Variants in GAN observed in about 807,000 individuals in gnomAD.
GAN encodes the protein gigaxonin, also known as epididymis secretory sperm binding protein.
GAN carries 48 observed loss-of-function variants against 71.3 expected under a neutral mutation model. That is an observed-to-expected ratio of 0.67 (90% CI 0.53 to 0.86). The LOEUF (loss-of-function observed/expected upper bound fraction) is 0.86, where lower values mean the gene tolerates loss of function less well. Among genes scored for constraint, GAN ranks in the 40% least tolerant of loss-of-function variants. The probability of loss-of-function intolerance (pLI) is 0.00; values close to 1 mark genes in which losing one functional copy is unlikely to be tolerated. For synonymous variants in GAN, 386 were observed against 276.8 expected (o/e 1.39, Z -3.92); for missense variants, 928 against 770.1 (o/e 1.21, Z -2.43).
At chr16:81,367,610 A>C (rs1910902991) in intron 9 of GAN, among the ~76,000 whole-genome samples, 1 of 152,248 alleles carries the variant, frequency 6.6e-6, no homozygotes, top group Non-Finnish European at 1.5e-5. Context: ...TGTAAATAGA[A>C]TGAAGAAAGC....
intron 9 of GAN, among the ~76,000 whole-genome samples, chr16:81,370,581 T>C (rs1457833625): frequency 1.3e-5 from 2 of 152,236 alleles, no homozygotes; most frequent in East Asian, 3.8e-4. Context: ...AGGGCTGAGA[T>C]TCATCCCATT....
intron 2 of GAN, among the ~76,000 whole-genome samples, chr16:81,352,626 A>T (rs1910337155): frequency 6.6e-6 from 1 of 151,996 alleles, no homozygotes; most frequent in African/African-American, 2.4e-5. Context: ...TTCTGAATGT[A>T]TTGCTTTCTT....
chr16:81,347,343 A>G (rs986932367), intron 1 of GAN, among the ~76,000 whole-genome samples: 4 of 152,306 alleles, frequency 2.6e-5, no homozygotes, highest in Admixed American at 2.6e-4. Flanking sequence ...TGTCATACAC[A>G]TTATATATTT....
At chr16:81,332,005 T>C (rs979298608) in intron 1 of GAN, among the ~76,000 whole-genome samples, 3 of 151,486 alleles carry the variant, frequency 2.0e-5, no homozygotes, top group Admixed American at 1.3e-4. Context: ...CTACTAAAAA[T>C]ACAAAATTAG....
intron 9 of GAN, among the ~76,000 whole-genome samples, chr16:81,374,874 A>G (rs1904276292): frequency 6.6e-6 from 1 of 152,242 alleles, no homozygotes. Context: ...AGTGGGGGAA[A>G]GAAAAGCCTT....
At chr16:81,368,433 T>C (rs1284255729) in intron 9 of GAN, among the ~76,000 whole-genome samples, 1 of 152,220 alleles carries the variant, frequency 6.6e-6, no homozygotes, top group East Asian at 1.9e-4. Flanking sequence ...ACCTTGTCTC[T>C]ATGAATTTTG....
Position 81,365,482 on chromosome 16 carries a change from A to G in GAN, c.1502+4A>G, listed in dbSNP as rs748724208. The G allele has an allele frequency of 1.2e-6, 2 of 1,613,372 alleles. No homozygotes were observed. The highest frequency in any genetic ancestry group is 1.7e-6 in the Non-Finnish European group (2 of 1,179,692). On this transcript the variant is annotated splice_donor_region_variant and intron_variant, in intron 9 of 10. Coordinates refer to ENST00000648994, the MANE Select transcript of GAN (RefSeq NM_022041.4). ...TCTACCATGATGAGTTTAAAAGGTA[A>G]CTAAGAATGGTTTCACATAGCTACT...
At chr16:81,322,657 T>C (rs1909257269) in intron 1 of GAN, among the ~76,000 whole-genome samples, 1 of 152,248 alleles carries the variant, frequency 6.6e-6, no homozygotes, top group South Asian at 2.1e-4. Flanking sequence ...CATTTGATGC[T>C]TGTGATTTTT....
intron 1 of GAN, among the ~76,000 whole-genome samples, chr16:81,319,618 T>C (rs1303194882): frequency 1.3e-5 from 2 of 152,178 alleles, no homozygotes; most frequent in East Asian, 3.8e-4. Flanking sequence ...TTTGTTTAGC[T>C]CTCAGTCCTG....
intron 9 of GAN, among the ~76,000 whole-genome samples, chr16:81,367,118 T>TAG (rs1449688098): frequency 6.6e-6 from 1 of 152,142 alleles, no homozygotes; most frequent in African/African-American, 2.4e-5. Flanking sequence ...CCACCGCACC[T>TAG]GGCCTATCAG....
intron 3 of GAN, 136 bp downstream of exon 3, chr16:81,354,891 C>A: frequency 1.6e-6 from 1 of 639,356 alleles, no homozygotes; most frequent in Non-Finnish European, 2.7e-6. Flanking sequence ...AAACATGTTC[C>A]CCTATATCAT....
chr16:81,377,583 T>C lies in GAN; in HGVS notation c.1781T>C (p.Val594Ala), dbSNP rs1189573218. 5 of 1,614,006 alleles carry C rather than the reference T, an allele frequency of 3.1e-6. No individual in the cohort carries two copies. Among genetic ancestry groups the C allele is most frequent in the Admixed American group, 1.7e-5 (1 of 60,010 alleles). Reference protein sequence around the residue: ...QLQQGLFRIRVHSP With the variant: ...QLQQGLFRIRAHSP Reference sequence around the variant, plus strand: ...CAGCAAGGCTTATTCCGTATTCGTGTTCATTCCCCTTGAGGAGGAAGCAGA... The same window carrying C: ...CAGCAAGGCTTATTCCGTATTCGTGCTCATTCCCCTTGAGGAGGAAGCAGA... The change falls in exon 11 of 11, where the codon GTT becomes GCT. Residue 594 changes from valine to alanine, a missense_variant. Val to Ala is a moderately conservative substitution (Grantham distance 64). Coordinates refer to ENST00000648994, the MANE Select transcript of GAN (RefSeq NM_022041.4).
intron 1 of GAN, among the ~76,000 whole-genome samples, chr16:81,348,708 A>T (rs961716954): frequency 3.9e-5 from 6 of 152,244 alleles, no homozygotes; most frequent in Non-Finnish European, 7.3e-5. Context: ...CAAAATGTGC[A>T]GGAAGCTCAG....
intron 1 of GAN, among the ~76,000 whole-genome samples, chr16:81,329,146 C>G (rs919982481): frequency 1.3e-5 from 2 of 151,812 alleles, no homozygotes; most frequent in African/African-American, 4.8e-5. Context: ...TCCTGTTCCC[C>G]CACCCTTTTT....
rs1465653533 is a variant in GAN, at chr16:81,377,374, C to T, written c.1613-41C>T. The T allele has an allele frequency of 3.8e-6, 6 of 1,597,820 alleles. No individual in the cohort carries two copies. In the African/African-American group the frequency reaches 6.7e-5, roughly 18 times the overall value. On this transcript the variant is annotated intron_variant, in intron 10 of 10. Transcript: ENST00000648994. ...TTCTTGGAACTGTTTCCTGGTGATT[C>T]TGGGTACATTTTCTCACCCTTGCTT...
At chr16:81,319,482 T>G (rs1387830986) in intron 1 of GAN, among the ~76,000 whole-genome samples, 1 of 152,162 alleles carries the variant, frequency 6.6e-6, no homozygotes, top group East Asian at 1.9e-4. Flanking sequence ...GTAATGTATG[T>G]GAAAAGGATT....
intron 9 of GAN, among the ~76,000 whole-genome samples, chr16:81,376,983 G>T (rs1904283611): frequency 6.6e-6 from 1 of 152,202 alleles, no homozygotes; most frequent in South Asian, 2.1e-4. Context: ...AGCAGAAGCA[G>T]GTTGGAAAGC....
Position 81,389,223 on chromosome 16 carries a change from T to G in GAN, c.*11627T>G, listed in dbSNP as rs575636561. The G allele has an allele frequency of 5.1e-4, 78 of 152,332 alleles. No individual in the cohort carries two copies. Among genetic ancestry groups the G allele is most frequent in the African/African-American group, 1.6e-3 (67 of 41,558 alleles). 9.4% of individuals were successfully genotyped at this position (152,332 alleles called of 1,614,324 possible). A position where few individuals can be genotyped will look rare whatever the true frequency, so the allele number is the denominator to read the frequency against. On this transcript the variant is annotated 3_prime_UTR_variant, in exon 11 of 11. Coordinates refer to ENST00000648994, the MANE Select transcript of GAN (RefSeq NM_022041.4). The stretch of plus-strand genomic sequence containing the variant: ...AGCACAACTTGCTTCATTAAATAAT[T>G]CGTGGCTTTTTCTGCCACTGGGGTT...
chr16:81,377,298 A>G lies in GAN; in HGVS notation c.1582A>G (p.Ser528Gly). 5.0e-6 allele frequency: 8 copies of G among 1,606,882 alleles called. No homozygotes were observed. The highest frequency in any genetic ancestry group is 5.1e-6 in the Non-Finnish European group (6 of 1,173,432). ...TTATGGAGCTGTACCTATAGGAGCCAGTATTTATGTTATTGGAGATCTTGA... is the reference window on the plus strand; with the variant it reads ...TTATGGAGCTGTACCTATAGGAGCCGGTATTTATGTTATTGGAGATCTTGA... ...FVYGAVPIGA[S>G]IYVIGDLDTG... The change falls in exon 10 of 11, where the codon AGT (serine) becomes GGT (glycine). Residue 528 changes from serine (S) to glycine (G), a missense_variant. Coordinates refer to ENST00000648994, the MANE Select transcript of GAN (RefSeq NM_022041.4).
Sources: allele counts gnomAD v4.1 joint callset (sites outside exome capture counted in the v4.1 genomes callset), GRCh38; gene constraint gnomAD v4.1.1; transcripts MANE v1.5; gene names NCBI Gene and HGNC (gene_info 2026-07-23, HGNC 2026-07-21).